Variants in SLC12A7 observed in about 807,000 individuals in gnomAD.
The protein encoded by SLC12A7 is K-Cl cotransporter 4.
Under a neutral mutation model 120.6 loss-of-function variants are expected in SLC12A7, and 100 were observed. The observed-to-expected ratio is 0.83, with a 90% CI of 0.71 to 0.98. The LOEUF is 0.98. Among genes scored for constraint, SLC12A7 ranks in the 50% least tolerant of loss-of-function variants. The pLI, the probability that SLC12A7 is intolerant of heterozygous loss-of-function variation, is 0.00. For synonymous variants in SLC12A7, 760 were observed against 678.0 expected (o/e 1.12, Z -1.88); for missense variants, 1,373 against 1,548.1 (o/e 0.89, Z 1.90).
At chr5:1,128,559 C>G in the SLC12A7 span, among the ~76,000 whole-genome samples, 45 of 152,328 alleles carry the variant, frequency 3.0e-4, no homozygotes, top group African/African-American at 1.0e-3. Flanking sequence ...TGCCCAGCCC[C>G]CAACACTCTG....
At chr5:1,110,138 C>G (rs1426785243) in intron 1 of SLC12A7, among the ~76,000 whole-genome samples, 1 of 152,266 alleles carries the variant, frequency 6.6e-6, no homozygotes, top group African/African-American at 2.4e-5. Context: ...CCCGTTACAG[C>G]CTGGCAGTGG....
At chr5:1,139,186 G>T in the SLC12A7 span, among the ~76,000 whole-genome samples, 1 of 152,250 alleles carries the variant, frequency 6.6e-6, no homozygotes, top group Non-Finnish European at 1.5e-5. Context: ...AGTCCTCATG[G>T]TCCGTAGGCA....
the SLC12A7 span, among the ~76,000 whole-genome samples, chr5:1,150,984 G>A: frequency 6.6e-6 from 1 of 152,234 alleles, no homozygotes; most frequent in Non-Finnish European, 1.5e-5. Context: ...CCCATCAGAA[G>A]GCAAAGGCTG....
intron 1 of SLC12A7, among the ~76,000 whole-genome samples, chr5:1,105,490 C>T (rs1322993519): frequency 6.6e-6 from 1 of 152,256 alleles, no homozygotes; most frequent in Non-Finnish European, 1.5e-5. Context: ...CACTCCCGGC[C>T]AGAGGCTCCA....
chr5:1,064,868 A>C (rs36142242), intron 18 of SLC12A7, among the ~76,000 whole-genome samples: 34,923 of 70,190 alleles, frequency 0.5, 8,759 homozygotes, highest in Non-Finnish European at 0.6. Context: ...GCGAGGGGAC[A>C]GCGAGGGGAC....
intron 1 of SLC12A7, among the ~76,000 whole-genome samples, chr5:1,106,318 T>C (rs1420757133): frequency 6.6e-6 from 1 of 151,732 alleles, no homozygotes. Flanking sequence ...CCAGGCGCGG[T>C]GGTGCGTGCC....
chr5:1,106,568 C>T (rs1742548243), intron 1 of SLC12A7, among the ~76,000 whole-genome samples: 1 of 152,230 alleles, frequency 6.6e-6, no homozygotes, highest in Admixed American at 6.5e-5. Context: ...GTGTCGGCTC[C>T]ACTCGTGCCC....
chr5:1,132,462 A>G, the SLC12A7 span, among the ~76,000 whole-genome samples: 14 of 151,460 alleles, frequency 9.2e-5, no homozygotes, highest in African/African-American at 3.4e-4. Flanking sequence ...CTCACCTCCA[A>G]TTCTTTCTTG....
chr5:1,109,028 C>A (rs1305666590), intron 1 of SLC12A7, among the ~76,000 whole-genome samples: 1 of 152,188 alleles, frequency 6.6e-6, no homozygotes, highest in Non-Finnish European at 1.5e-5. Context: ...CCTGGGAGAG[C>A]CCCAGCTGAG....
At chr5:1,087,698 G>A (rs997824918) in intron 5 of SLC12A7, among the ~76,000 whole-genome samples, 2 of 152,256 alleles carry the variant, frequency 1.3e-5, no homozygotes, top group Non-Finnish European at 2.9e-5. Flanking sequence ...AGGACCTGGT[G>A]CTGAGCAAGC....
At chr5:1,088,220 C>T (rs1740101620) in intron 5 of SLC12A7, 86 bp downstream of exon 5, 3 of 1,424,836 alleles carry the variant, frequency 2.1e-6, no homozygotes, top group Non-Finnish European at 2.9e-6. Flanking sequence ...CCCGGCCTCG[C>T]CAAGCGGCCT....
intron 6 of SLC12A7, 110 bp downstream of exon 6, chr5:1,086,793 G>T (rs753060896): frequency 2.4e-4 from 347 of 1,434,926 alleles, no homozygotes; most frequent in Non-Finnish European, 3.1e-4. Flanking sequence ...AGGGCAGTGG[G>T]GTCAGGATGG....
the SLC12A7 span, among the ~76,000 whole-genome samples, chr5:1,135,188 G>A: frequency 6.6e-6 from 1 of 152,234 alleles, no homozygotes; most frequent in Non-Finnish European, 1.5e-5. Flanking sequence ...GGGATGAGTA[G>A]ATGGAAAATG....
upstream of SLC12A7, among the ~76,000 whole-genome samples, chr5:1,116,989 C>T (rs776370210): frequency 6.6e-6 from 1 of 152,160 alleles, no homozygotes; most frequent in African/African-American, 2.4e-5. Context: ...CTCTCTCAGA[C>T]GTCATAAAGA....
chr5:1,086,960 G>A lies in SLC12A7; in HGVS notation c.618C>T (p.Tyr206=). The change falls in exon 6 of 24, where the codon TAC becomes TAT. Residue 206 remains tyrosine (Y), a synonymous_variant. Coordinates refer to ENST00000264930, the MANE Select transcript of SLC12A7 (RefSeq NM_006598.3). ...TGGCCCCTGCAAACGTCGTGCCCAG[G>A]TAGAAGCAGAGGCCGACAGCGCCTC... ...EFGGAVGLCF[Y]LGTTFAGAMY... is the part of the protein sequence containing the mutation. 6.2e-7 allele frequency: 1 copy of A among 1,612,886 alleles called. No homozygotes were observed. The highest frequency in any genetic ancestry group is 8.5e-7 in the Non-Finnish European group (1 of 1,179,998).
the SLC12A7 span, among the ~76,000 whole-genome samples, chr5:1,136,159 C>T: frequency 6.6e-6 from 1 of 152,210 alleles, no homozygotes; most frequent in African/African-American, 2.4e-5. Context: ...GTGGCCGTCT[C>T]TGCTCCTGCA....
rs372244387 is a variant in SLC12A7, at chr5:1,062,082, G to C, written c.2740-1631C>G. Among the ~76,000 whole-genome samples the C allele has an allele frequency of 5.9e-5, 9 of 152,196 alleles. No individual in the cohort carries two copies. In the South Asian group the frequency reaches 1.9e-3, roughly 32 times the overall value. ...TGCCAGAGACATGGCTGGGAGCATG[G>C]GGGGTGCTGGGAGCTCCAGGTTCCC... On this transcript the variant is annotated intron_variant, in intron 20 of 23. Coordinates refer to ENST00000264930, the MANE Select transcript of SLC12A7 (RefSeq NM_006598.3).
intron 3 of SLC12A7, among the ~76,000 whole-genome samples, chr5:1,089,407 T>C (rs896478347): frequency 6.6e-6 from 1 of 151,984 alleles, no homozygotes; most frequent in African/African-American, 2.4e-5. Flanking sequence ...GGAAACCTGT[T>C]ACACTGGAAA....
rs1365553304 is a variant in SLC12A7 at position 1,085,457 on chromosome 5, C to A, written c.692G>T (p.Gly231Val). 6.2e-7 allele frequency: 1 copy of A among 1,607,388 alleles called. No homozygotes were observed. The highest frequency in any genetic ancestry group is 1.7e-5 in the Admixed American group (1 of 59,474). ...IEIFLTYISP[G>V]AAIFQAEAAG... ...AGCCTCCGCCTGGAAGATGGCCGCA[C>A]CCGGGGAGATGTACGTCTGTGGGAA... The change falls in exon 7 of 24, where the codon GGT (glycine) becomes GTT (valine). Residue 231 changes from glycine (G) to valine (V), a missense_variant. Physicochemically the swap from Gly to Val is moderately radical, Grantham distance 109. Coordinates refer to ENST00000264930, the MANE Select transcript of SLC12A7 (RefSeq NM_006598.3).
Sources: allele counts gnomAD v4.1 joint callset (sites outside exome capture counted in the v4.1 genomes callset), GRCh38; gene constraint gnomAD v4.1.1; transcripts MANE v1.5; gene names NCBI Gene and HGNC (gene_info 2026-07-23, HGNC 2026-07-21).